The following PHF14 variants were observed in gnomAD, a reference collection of about 807,000 sequenced individuals.
PHF14 encodes PHD finger protein 14.
PHF14 carries 55 observed loss-of-function variants against 117.9 expected under a neutral mutation model. The observed-to-expected ratio is 0.47, with a 90% CI of 0.38 to 0.58. The LOEUF is 0.58. Ranked by LOEUF, PHF14 falls within the 20% of genes least tolerant of loss-of-function variation. The pLI, the probability that PHF14 is intolerant of heterozygous loss-of-function variation, is 0.00. For synonymous variants in PHF14, 409 were observed against 368.6 expected (o/e 1.11, Z -1.26); for missense variants, 978 against 1,122.2 (o/e 0.87, Z 1.84).
At chr7:11,165,382 A>G (rs1789172297) in intron 17 of PHF14, among the ~76,000 whole-genome samples, 1 of 152,166 alleles carries the variant, frequency 6.6e-6, no homozygotes, top group South Asian at 2.1e-4. Context: ...AATATATATT[A>G]TTGGTGATAT....
intron 16 of PHF14, chr7:11,062,654 T>C (rs1268869865): frequency 2.0e-6 from 2 of 976,038 alleles, no homozygotes; most frequent in Non-Finnish European, 2.4e-6. Context: ...TTTGGTACTT[T>C]ATTTTTTTTT....
At chr7:11,137,953 A>G (rs1788273664) in intron 17 of PHF14, among the ~76,000 whole-genome samples, 1 of 152,050 alleles carries the variant, frequency 6.6e-6, no homozygotes, top group Admixed American at 6.6e-5. Flanking sequence ...CTTTCCTTGT[A>G]TAAAGTACAG....
intron 17 of PHF14, 47 bp from the exon 18 acceptor site, chr7:11,169,369 A>G (rs1222376414): frequency 2.3e-6 from 2 of 875,398 alleles, no homozygotes. Flanking sequence ...TAGCTGATAA[A>G]TGCTCTAAAG....
chr7:11,056,694 A>G (rs1785030693), intron 14 of PHF14, among the ~76,000 whole-genome samples: 1 of 151,126 alleles, frequency 6.6e-6, no homozygotes, highest in African/African-American at 2.4e-5. Flanking sequence ...TTGAAAGACA[A>G]ATATTTTTAG....
chr7:11,114,520 G>T (rs73681608), intron 17 of PHF14, among the ~76,000 whole-genome samples: 2,146 of 152,020 alleles, frequency 0.014, 45 homozygotes, highest in African/African-American at 0.049. Flanking sequence ...CATGAAAGCG[G>T]AAATACACCT....
intron 4 of PHF14, among the ~76,000 whole-genome samples, chr7:10,998,106 G>A (rs898878269): frequency 3.9e-5 from 6 of 152,104 alleles, no homozygotes; most frequent in African/African-American, 1.4e-4. Flanking sequence ...GGGAACAATT[G>A]CTGGAACAAA....
intron 4 of PHF14, among the ~76,000 whole-genome samples, chr7:10,991,611 C>T (rs551557069): frequency 2.8e-4 from 42 of 151,856 alleles, no homozygotes; most frequent in South Asian, 6.3e-4. Context: ...CACCTGGTCC[C>T]CCAGTCATCT....
intron 16 of PHF14, among the ~76,000 whole-genome samples, chr7:11,089,026 A>G (rs1786536482): frequency 6.6e-6 from 1 of 152,108 alleles, no homozygotes; most frequent in Middle Eastern, 3.2e-3. Flanking sequence ...AAGGACATTA[A>G]TCTCATGAAT....
intron 17 of PHF14, among the ~76,000 whole-genome samples, chr7:11,153,268 G>T (rs1409605781): frequency 1.3e-5 from 2 of 152,008 alleles, no homozygotes; most frequent in African/African-American, 4.8e-5. Context: ...GATACCCTTG[G>T]GTGATAAAGA....
At position 11,063,091 on chromosome 7, in the gene PHF14, A is replaced by T. The variant is rs1021453421; in HGVS notation, c.2654+1006A>T. 6.6e-6 allele frequency: 6 copies of T among 907,306 alleles called. No homozygotes were observed. In the African/African-American group the frequency reaches 9.0e-5, roughly 14 times the overall value. The allele number at this position is 907,306 out of a possible 1,614,324, so 56.2% of individuals were successfully genotyped here. A position where few individuals can be genotyped will look rare whatever the true frequency, so the allele number is the denominator to read the frequency against. On this transcript the variant is annotated intron_variant, in intron 16 of 17. Transcript: ENST00000634607. ...TAAAATATGTCTTAATTTCTCAAAG[A>T]AAGGCATGAAGTCTTAAATTTTATG...
At chr7:11,162,973 ATAGT>A (rs1405908340) in intron 17 of PHF14, among the ~76,000 whole-genome samples, 1 of 152,210 alleles carries the variant, frequency 6.6e-6, no homozygotes, top group Non-Finnish European at 1.5e-5. Flanking sequence ...AAGAAAAGAA[ATAGT>A]TATTTATGTA....
chr7:10,995,312 C>G (rs957572864), intron 4 of PHF14, among the ~76,000 whole-genome samples: 2 of 151,316 alleles, frequency 1.3e-5, no homozygotes, highest in African/African-American at 2.4e-5. Context: ...ACCAGATTAG[C>G]TAGATACAGA....
intron 17 of PHF14, among the ~76,000 whole-genome samples, chr7:11,121,480 G>C (rs1264859276): frequency 6.6e-6 from 1 of 151,990 alleles, no homozygotes; most frequent in Non-Finnish European, 1.5e-5. Flanking sequence ...TAATTGCAGG[G>C]GTTATGTTCC....
At chr7:11,077,797 T>C (rs1296397215) in intron 16 of PHF14, among the ~76,000 whole-genome samples, 2 of 152,070 alleles carry the variant, frequency 1.3e-5, no homozygotes, top group African/African-American at 4.8e-5. Flanking sequence ...TACAAGGTAA[T>C]AGACAAAGAA....
At chr7:11,002,721 G>A (rs1167666354) in intron 4 of PHF14, among the ~76,000 whole-genome samples, 1 of 151,790 alleles carries the variant, frequency 6.6e-6, no homozygotes, top group African/African-American at 2.4e-5. Context: ...TGGGATTACA[G>A]ACGTGAGCCA....
intron 10 of PHF14, among the ~76,000 whole-genome samples, chr7:11,038,075 T>C (rs1046503587): frequency 6.6e-6 from 1 of 152,134 alleles, no homozygotes; most frequent in African/African-American, 2.4e-5. Flanking sequence ...TGCTGAATAA[T>C]TGGATAGCCT....
intron 16 of PHF14, among the ~76,000 whole-genome samples, chr7:11,068,645 C>G (rs1221369848): frequency 6.6e-6 from 1 of 152,054 alleles, no homozygotes. Context: ...GTGAATGCCA[C>G]AGAGCTGTAC....
chr7:11,071,655 T>C (rs1279281909), intron 16 of PHF14, among the ~76,000 whole-genome samples: 1 of 152,242 alleles, frequency 6.6e-6, no homozygotes, highest in South Asian at 2.1e-4. Flanking sequence ...AAAATTACTA[T>C]GCCTGTTTAT....
intron 16 of PHF14, among the ~76,000 whole-genome samples, chr7:11,065,392 C>T (rs1424437477): frequency 2.6e-5 from 4 of 152,010 alleles, no homozygotes; most frequent in South Asian, 4.1e-4. Context: ...ATTTTTGTTT[C>T]GACAGTTCAT....
Sources: gnomAD v4.1 joint callset for allele counts (sites outside exome capture counted in the v4.1 genomes callset) on GRCh38, gnomAD v4.1.1 for gene constraint, MANE v1.5 for transcripts, NCBI Gene and HGNC (gene_info 2026-07-23, HGNC 2026-07-21) for gene names.